KCTD2: variants seen among roughly 807,000 people sequenced by gnomAD.
KCTD2 encodes the protein potassium channel tetramerization domain containing 2.
In KCTD2, 18 loss-of-function variants were observed where a neutral mutation model predicts 27.9. The observed-to-expected ratio is 0.64, with a 90% CI of 0.45 to 0.96. The LOEUF is 0.96. Among genes scored for constraint, KCTD2 ranks in the 40% least tolerant of loss-of-function variants. The probability of loss-of-function intolerance (pLI) is 0.00; values close to 1 mark genes in which losing one functional copy is unlikely to be tolerated. For synonymous variants in KCTD2, 175 were observed against 148.4 expected, an observed-to-expected ratio of 1.18 and a Z score of -1.30; for missense variants, 280 against 348.0, an observed-to-expected ratio of 0.80 and a Z score of 1.56.
At chr17:75,047,205 C>T (rs1369365889), upstream of KCTD2, 4 of 529,816 alleles carry the variant, frequency 7.5e-6, no homozygotes, top group Admixed American at 1.1e-4. Context: ...AGAAATGGGC[C>T]GGCCCGGCTG....
intron 3 of KCTD2, among the ~76,000 whole-genome samples, chr17:75,037,824 C>T (rs897869821): frequency 6.6e-5 from 10 of 152,086 alleles, no homozygotes; most frequent in Non-Finnish European, 1.0e-4. Context: ...CTGAGGCGGG[C>T]GGATCACAAG....
chr17:75,062,151 G>A lies in KCTD2; in HGVS notation c.668G>A (p.Gly223Asp). 6.2e-7 allele frequency: 1 copy of A among 1,613,956 alleles called. No homozygotes were observed. The highest frequency in any genetic ancestry group is 1.1e-5 in the South Asian group (1 of 91,056). ...LISIGSSYNY[G>D]NEDQAEFLCV... is the part of the protein sequence containing the mutation. The stretch of plus-strand genomic sequence containing the variant: ...AGCATCGGATCTTCCTATAACTACG[G>A]CAATGAGGATCAGGCAGAATTCCTC... Residue 223 changes from glycine (G) to aspartate (D), a missense_variant, in exon 5 of 6, where the codon GGC (glycine) becomes GAC (aspartate). Coordinates refer to ENST00000322444, the MANE Select transcript of KCTD2 (RefSeq NM_015353.3).
chr17:75,046,446 T>TA (rs1379700722), upstream of KCTD2, among the ~76,000 whole-genome samples: 1 of 152,166 alleles, frequency 6.6e-6, no homozygotes, highest in Non-Finnish European at 1.5e-5. Context: ...ATCATGCGCA[T>TA]AGGAGGTGCT....
rs548237613 is a variant in KCTD2, at chr17:75,032,784, A to G, written c.-470+60A>G. ...ACATGCCTAGCTAGAGGGCGGCAGCAGGAAAGCAGAGAAGGCATCCCTGCA... is the reference window on the plus strand; with the variant it reads ...ACATGCCTAGCTAGAGGGCGGCAGCGGGAAAGCAGAGAAGGCATCCCTGCA... On this transcript the variant is annotated intron_variant, in intron 1 of 7. Transcript: ENST00000581589. This position sits in a 1 kb window ranked among gnomAD's most constrained non-coding sequence, Gnocchi z 4.8. 2.0e-5 allele frequency: 3 copies of G among 152,420 alleles called. No homozygotes were observed. The highest frequency in any genetic ancestry group is 4.4e-5 in the Non-Finnish European group (3 of 68,176). The allele number at this position is 152,420 out of a possible 1,614,324, so 9.4% of individuals were successfully genotyped here. A position where few individuals can be genotyped will look rare whatever the true frequency, so the allele number is the denominator to read the frequency against.
intron 3 of KCTD2, among the ~76,000 whole-genome samples, chr17:75,037,342 T>C (rs1279941762): frequency 1.9e-5 from 2 of 104,192 alleles, no homozygotes; most frequent in East Asian, 6.6e-4. Context: ...AGATTCCATA[T>C]CAGAAAAAAA....
Position 75,039,137 on chromosome 17 carries a change from C to T in KCTD2, c.-259+3780C>T, listed in dbSNP as rs1025008753. 5 of 1,611,658 alleles carry T rather than the reference C, an allele frequency of 3.1e-6. No homozygotes were observed. The African/African-American group carries it at 6.7e-5, about 22-fold the overall frequency. On this transcript the variant is annotated intron_variant, in intron 3 of 7. Transcript: ENST00000581589. ...CAGAATATCCAAGGCAGGTTCCTGCCACCAGGTGAAAGATGTGTGGTCATG... is the reference window on the plus strand; with the variant it reads ...CAGAATATCCAAGGCAGGTTCCTGCTACCAGGTGAAAGATGTGTGGTCATG...
chr17:75,050,857 T>A (rs1379046144), intron 2 of KCTD2, among the ~76,000 whole-genome samples: 2 of 152,062 alleles, frequency 1.3e-5, no homozygotes, highest in Non-Finnish European at 2.9e-5. Context: ...TGTTGTTTTT[T>A]TAAGAGTCAG....
intron 3 of KCTD2, among the ~76,000 whole-genome samples, chr17:75,056,952 C>CTTTTTTTTT (rs35875644): frequency 8.6e-4 from 93 of 108,002 alleles, no homozygotes; most frequent in Non-Finnish European, 1.2e-3. Flanking sequence ...TTTCTTTTTT[C>CTTTTTTTTT]TTTTTTTTTT....
At chr17:75,062,312 C>G in intron 5 of KCTD2, 67 bp downstream of exon 5, 2 of 1,493,010 alleles carry the variant, frequency 1.3e-6, no homozygotes, top group Non-Finnish European at 1.8e-6. Flanking sequence ...GTGGGCTTTT[C>G]CTGAACTCTT....
At chr17:75,042,059 C>A in intron 3 of KCTD2, 2 of 812,136 alleles carry the variant, frequency 2.5e-6, no homozygotes, top group Non-Finnish European at 3.9e-6. Flanking sequence ...TTTGGCCATA[C>A]GCATCCTTCC....
upstream of KCTD2, among the ~76,000 whole-genome samples, chr17:75,043,529 C>G (rs2073181315): frequency 6.7e-6 from 1 of 150,210 alleles, no homozygotes; most frequent in African/African-American, 2.5e-5. Flanking sequence ...AGGACAATCA[C>G]TTGAACCTGG....
chr17:75,044,199 AT>A (rs755560156), upstream of KCTD2, among the ~76,000 whole-genome samples: 1,118 of 94,656 alleles, frequency 0.012, 96 homozygotes, highest in Admixed American at 0.05. Context: ...TAATTTTTGT[AT>A]TTTTTTTTTT....
At chr17:75,062,056 G>C in intron 4 of KCTD2, 64 bp from the exon 5 acceptor site, 1 of 1,591,564 alleles carries the variant, frequency 6.3e-7, no homozygotes, top group African/African-American at 1.3e-5. Flanking sequence ...GGTGATTTGT[G>C]TAGCACTTTC....
rs1006001131 is a variant in KCTD2 at position 75,060,665 on chromosome 17, G to A, written c.636+1060G>A. On this transcript the variant is annotated intron_variant, in intron 4 of 5. Coordinates refer to ENST00000322444, the MANE Select transcript of KCTD2 (RefSeq NM_015353.3). ...GTGGGCCCGGCCAGGGAGGGCGCGC[G>A]TGCGAGGGCGGGTCAGGCTGCACTC... 62 of 1,494,584 alleles carry A rather than the reference G, an allele frequency of 4.1e-5. No individual in the cohort carries two copies. In the East Asian group the frequency reaches 8.6e-4, roughly 21 times the overall value. 92.6% of individuals were successfully genotyped at this position (1,494,584 alleles called of 1,614,324 possible). A position where few individuals can be genotyped will look rare whatever the true frequency, so the allele number is the denominator to read the frequency against.
intron 3 of KCTD2, chr17:75,039,073 G>A: frequency 6.2e-7 from 1 of 1,613,802 alleles, no homozygotes; most frequent in Non-Finnish European, 8.5e-7. Context: ...TCTGGAAAGA[G>A]GGGGAATGTG....
At chr17:75,047,616 C>G in intron 1 of KCTD2, 27 bp downstream of exon 1, 1 of 1,590,338 alleles carries the variant, frequency 6.3e-7, no homozygotes, top group Non-Finnish European at 8.6e-7. Flanking sequence ...GGCGCGCCCC[C>G]GGGCCTTCGA....
At chr17:75,055,637 G>C (rs12943148) in intron 3 of KCTD2, among the ~76,000 whole-genome samples, 24,444 of 151,452 alleles carry the variant, frequency 0.16, 3,108 homozygotes, top group East Asian at 0.62. Flanking sequence ...AGTTCAAGAC[G>C]AGCCTGACTA....
chr17:75,057,137 A>G (rs1197246838), intron 3 of KCTD2, among the ~76,000 whole-genome samples: 1 of 151,846 alleles, frequency 6.6e-6, no homozygotes, highest in East Asian at 1.9e-4. Flanking sequence ...TATTTTTAGT[A>G]GAGACAGGGT....
In KCTD2 at chr17:75,051,595, T is replaced by A. The variant is rs371810467; in HGVS notation, c.449-1419T>A. 6.4e-3 allele frequency among the ~76,000 whole-genome samples: 958 copies of A among 150,398 alleles called. 9 individuals carry two copies. The highest frequency in any genetic ancestry group is 0.028 in the South Asian group (135 of 4,766). ...CACCATGCCCGACCTTTTTTTTTTTTAAATCATATTTGCATTGTCCTTCAT... is the reference window on the plus strand; with the variant it reads ...CACCATGCCCGACCTTTTTTTTTTTAAAATCATATTTGCATTGTCCTTCAT... On this transcript the variant is annotated intron_variant, in intron 2 of 5. Coordinates refer to ENST00000322444, the MANE Select transcript of KCTD2 (RefSeq NM_015353.3).
Sources: allele counts gnomAD v4.1 joint callset (sites outside exome capture counted in the v4.1 genomes callset), GRCh38; gene constraint gnomAD v4.1.1; non-coding constraint Gnocchi (gnomAD v3.1); transcripts MANE v1.5; gene names NCBI Gene and HGNC (gene_info 2026-07-23, HGNC 2026-07-21).